RPS6KA2: variants seen among roughly 807,000 people sequenced by gnomAD.
The protein encoded by RPS6KA2 is ribosomal protein S6 kinase A2.
In RPS6KA2, 42 loss-of-function variants were observed where a neutral mutation model predicts 91.8. That is an observed-to-expected ratio of 0.46 (90% CI 0.36 to 0.59). The LOEUF is 0.59. RPS6KA2 is among the 20% of genes least tolerant of loss of function. The probability of loss-of-function intolerance (pLI) is 0.00; values close to 1 mark genes in which losing one functional copy is unlikely to be tolerated. For missense variants in RPS6KA2, 798 were observed against 978.5 expected, an observed-to-expected ratio of 0.82 and a Z score of 2.46; for synonymous variants, 414 against 393.6, an observed-to-expected ratio of 1.05 and a Z score of -0.61.
chr6:166,631,993 A>G (rs560483662), upstream of RPS6KA2, among the ~76,000 whole-genome samples: 1 of 152,328 alleles, frequency 6.6e-6, no homozygotes, highest in East Asian at 1.9e-4. Flanking sequence ...TCCTCTCCGC[A>G]CATTTCCAGG....
At chr6:166,857,316 A>G (rs1780930718) in intron 2 of RPS6KA2, among the ~76,000 whole-genome samples, 1 of 152,166 alleles carries the variant, frequency 6.6e-6, no homozygotes, top group African/African-American at 2.4e-5. Context: ...TGAGCGACTC[A>G]GTCTTCTTAA....
chr6:166,702,466 G>C, intron 2 of RPS6KA2: 2 of 1,583,832 alleles, frequency 1.3e-6, no homozygotes, highest in Non-Finnish European at 1.7e-6. Flanking sequence ...ACTGGAATAG[G>C]TTACATTTAC....
Position 166,412,668 on chromosome 6 carries a change from TGTG to T in RPS6KA2, c.*91_*93del. ...GCGGGCGCCGCCTCCCTGCTGGACTTGTGGTCACTCTGGGTGCCAGACGGGCTC... is the reference window on the plus strand; with the variant it reads ...GCGGGCGCCGCCTCCCTGCTGGACTTGTCACTCTGGGTGCCAGACGGGCTC... On this transcript the variant is annotated 3_prime_UTR_variant, in exon 21 of 21. Coordinates refer to ENST00000265678, the MANE Select transcript of RPS6KA2 (RefSeq NM_021135.6). This position sits in a 1 kb window ranked among gnomAD's most constrained non-coding sequence, Gnocchi z 4.3. 4.6e-6 allele frequency: 6 copies of T among 1,294,698 alleles called. No individual in the cohort carries two copies. The highest frequency in any genetic ancestry group is 1.5e-5 in the African/African-American group (1 of 67,798). 80.2% of individuals were successfully genotyped at this position (1,294,698 alleles called of 1,614,324 possible).
chr6:166,476,997 G>A (rs1181594716), intron 10 of RPS6KA2, among the ~76,000 whole-genome samples: 3 of 152,148 alleles, frequency 2.0e-5, no homozygotes, highest in South Asian at 4.1e-4. Flanking sequence ...TTGGAGGAAC[G>A]AGAATAAGGC....
chr6:166,452,037 C>T (rs1440387651), intron 12 of RPS6KA2, among the ~76,000 whole-genome samples: 4 of 152,158 alleles, frequency 2.6e-5, no homozygotes, highest in Admixed American at 1.3e-4. Context: ...TGATAGCTAC[C>T]ATAGGCATGA....
intron 2 of RPS6KA2, among the ~76,000 whole-genome samples, chr6:166,670,965 C>T (rs1342887853): frequency 6.6e-6 from 1 of 152,168 alleles, no homozygotes; most frequent in South Asian, 2.1e-4. Flanking sequence ...GGATTACAGC[C>T]TCGTGCCACC....
At position 166,493,624 on chromosome 6, in the gene RPS6KA2, G is replaced by C. The variant is rs111512556; in HGVS notation, c.748-2883C>G. 0.035 allele frequency among the ~76,000 whole-genome samples: 5,366 copies of C among 151,870 alleles called. 320 individuals are homozygous for C. Among genetic ancestry groups the C allele is most frequent in the African/African-American group, 0.12 (5,081 of 41,344 alleles). On this transcript the variant is annotated intron_variant, in intron 8 of 20. Transcript: ENST00000265678. The surrounding 1 kb of genome is among the most constrained non-coding windows in gnomAD (Gnocchi z 4.7). ...ACCAGGCTGCAGACAGGCACAGAGGGGCTCAAGGAGATGTAGCCAAAGCTC... is the reference window on the plus strand; with the variant it reads ...ACCAGGCTGCAGACAGGCACAGAGGCGCTCAAGGAGATGTAGCCAAAGCTC...
chr6:166,738,982 G>A (rs1447708174), intron 2 of RPS6KA2, among the ~76,000 whole-genome samples: 1 of 152,106 alleles, frequency 6.6e-6, no homozygotes, highest in African/African-American at 2.4e-5. Flanking sequence ...AACACCTATA[G>A]GTTTCCAAAT....
At chr6:166,488,039 T>C (rs1781466636) in intron 10 of RPS6KA2, among the ~76,000 whole-genome samples, 1 of 152,118 alleles carries the variant, frequency 6.6e-6, no homozygotes. Flanking sequence ...TTTCCTGATT[T>C]AACTTTTGCC....
At chr6:166,716,847 A>G (rs1244593143) in intron 2 of RPS6KA2, among the ~76,000 whole-genome samples, 1 of 152,114 alleles carries the variant, frequency 6.6e-6, no homozygotes, top group Non-Finnish European at 1.5e-5. Context: ...AAGCATGACT[A>G]AATTTAAAAC....
intron 2 of RPS6KA2, among the ~76,000 whole-genome samples, chr6:166,745,444 A>C (rs145310904): frequency 1.1e-4 from 17 of 151,992 alleles, no homozygotes; most frequent in African/African-American, 3.9e-4. Flanking sequence ...GAGCCACTGC[A>C]CCCGGCCCTA....
rs1336197182 is a variant in RPS6KA2 at position 166,810,221 on chromosome 6, C to T, written c.123+47979G>A. ...CCAATCACCTCCACCTAGTCCCGCC[C>T]TCAACATGTGGGGATTATGGGGATT... On this transcript the variant is annotated intron_variant, in intron 2 of 21. Transcript: ENST00000503859. Among the ~76,000 whole-genome samples, 4 of 152,100 alleles carry T rather than the reference C, an allele frequency of 2.6e-5. No individual in the cohort carries two copies. In the East Asian group the frequency reaches 5.8e-4, roughly 22 times the overall value.
At chr6:166,613,688 CA>C (rs1388606632) in intron 1 of RPS6KA2, among the ~76,000 whole-genome samples, 1 of 152,220 alleles carries the variant, frequency 6.6e-6, no homozygotes, top group Non-Finnish European at 1.5e-5. Flanking sequence ...ACGCATCACC[CA>C]AAGGATCCTT....
At chr6:166,590,383 C>T (rs1213536848) in intron 1 of RPS6KA2, among the ~76,000 whole-genome samples, 1 of 152,198 alleles carries the variant, frequency 6.6e-6, no homozygotes, top group Non-Finnish European at 1.5e-5. Context: ...CCAGTGTGAA[C>T]TCCGTGTCAG....
chr6:166,430,686 G>T, intron 15 of RPS6KA2, 75 bp from the exon 16 acceptor site: 2 of 1,471,720 alleles, frequency 1.4e-6, no homozygotes. Flanking sequence ...AGAGGGGACA[G>T]GAGAGGGAAG....
At position 166,550,114 on chromosome 6, in the gene RPS6KA2, G is replaced by T. The variant is rs190607727; in HGVS notation, c.100-11330C>A. Among the ~76,000 whole-genome samples, 361 of 152,246 alleles carry T rather than the reference G, an allele frequency of 2.4e-3. 2 individuals are homozygous for T. Among genetic ancestry groups the T allele is most frequent in the African/African-American group, 6.0e-3 (249 of 41,552 alleles). On this transcript the variant is annotated intron_variant, in intron 1 of 20. Coordinates refer to ENST00000265678, the MANE Select transcript of RPS6KA2 (RefSeq NM_021135.6). ...TAGGAAAAATATTTATGGAAAATAC[G>T]TCAAGATATTAGAAGTGATAGTATT...
intron 1 of RPS6KA2, among the ~76,000 whole-genome samples, chr6:166,577,886 T>C (rs1292086327): frequency 6.6e-6 from 1 of 152,178 alleles, no homozygotes; most frequent in African/African-American, 2.4e-5. Flanking sequence ...AATTCCCTTG[T>C]GTTGGGAGAG....
At chr6:166,834,786 A>G (rs1780277142) in intron 2 of RPS6KA2, among the ~76,000 whole-genome samples, 1 of 151,950 alleles carries the variant, frequency 6.6e-6, no homozygotes, top group African/African-American at 2.4e-5. Flanking sequence ...TTTTTCTGAC[A>G]GTGTCTTTTC....
At position 166,572,361 on chromosome 6, in the gene RPS6KA2, G is replaced by A. The variant is rs1027721462; in HGVS notation, c.100-33577C>T. Among the ~76,000 whole-genome samples the A allele has an allele frequency of 2.0e-5, 3 of 152,250 alleles. 1 individual carries two copies. The highest frequency in any genetic ancestry group is 4.4e-5 in the Non-Finnish European group (3 of 68,038). ...AACGATTACTAATTCTAAGAAAAGA[G>A]TGAAAGCATGTTATAAAACAAACAC... is the stretch of plus-strand genomic sequence containing the variant. On this transcript the variant is annotated intron_variant, in intron 1 of 20. Transcript: ENST00000265678.
Sources: allele counts gnomAD v4.1 joint callset (sites outside exome capture counted in the v4.1 genomes callset), GRCh38; gene constraint gnomAD v4.1.1; non-coding constraint Gnocchi (gnomAD v3.1); transcripts MANE v1.5; gene names NCBI Gene and HGNC (gene_info 2026-07-23, HGNC 2026-07-21).